NR5A2: variants seen among roughly 807,000 people sequenced by gnomAD.
The protein encoded by NR5A2 is nuclear receptor subfamily 5 group A member 2.
Under a neutral mutation model 62.7 loss-of-function variants are expected in NR5A2, and 26 were observed. The ratio of observed to expected loss-of-function variants is 0.41; its 90% CI spans 0.30 to 0.58. NR5A2 has a LOEUF of 0.58. Ranked by LOEUF, NR5A2 falls within the 20% of genes least tolerant of loss-of-function variation. The pLI is 0.22. For missense variants in NR5A2, 541 were observed against 669.1 expected (o/e 0.81, Z 2.11); for synonymous variants, 246 against 241.7 (o/e 1.02, Z -0.16).
In NR5A2 at chr1:200,175,085, A is replaced by C. The variant is rs1215384332; in HGVS notation, c.*875A>C. 6.6e-6 allele frequency: 1 copy of C among 152,634 alleles called. No homozygotes were observed. Among genetic ancestry groups the C allele is most frequent in the East Asian group, 1.9e-4 (1 of 5,200 alleles). 9.5% of individuals were successfully genotyped at this position (152,634 alleles called of 1,614,324 possible). On this transcript the variant is annotated 3_prime_UTR_variant, in exon 8 of 8. Transcript: ENST00000367362. ...TTTGGCATTGTTGGATTTCATAAAA[A>C]ATTTCTGGCAGGAAGTCTTGTTAGT...
intron 7 of NR5A2, among the ~76,000 whole-genome samples, chr1:200,121,563 T>G (rs527916162): frequency 6.6e-6 from 1 of 152,272 alleles, no homozygotes; most frequent in East Asian, 1.9e-4. Context: ...AGGTTCTCAG[T>G]GAGTCAGTTG....
At chr1:200,096,254 A>AT (rs1665093505) in intron 5 of NR5A2, among the ~76,000 whole-genome samples, 1 of 151,858 alleles carries the variant, frequency 6.6e-6, no homozygotes, top group South Asian at 2.1e-4. Context: ...TGCCTGACTA[A>AT]TTTTTGTATT....
In NR5A2 at chr1:200,147,844, A is replaced by G. The variant is rs1030367137; in HGVS notation, c.1379-26119A>G. ...GTCCTGGCTGCAGCCATTGGTGAGC[A>G]GTATGGCCACCTGCTTGTAGGCGCA... On this transcript the variant is annotated intron_variant, in intron 7 of 7. Transcript: ENST00000367362. The surrounding 1 kb of genome is among the most constrained non-coding windows in gnomAD (Gnocchi z 4.9). The G allele has an allele frequency of 3.5e-5, 16 of 458,772 alleles. No homozygotes were observed. The Admixed American group carries it at 4.8e-4, about 14-fold the overall frequency. 28.4% of individuals were successfully genotyped at this position (458,772 alleles called of 1,614,324 possible). A position where few individuals can be genotyped will look rare whatever the true frequency, so the allele number is the denominator to read the frequency against.
At chr1:200,089,455 C>A (rs1222077199) in intron 5 of NR5A2, among the ~76,000 whole-genome samples, 1 of 151,458 alleles carries the variant, frequency 6.6e-6, no homozygotes. Context: ...CCACACCTGG[C>A]CTGCAACTTT....
intron 7 of NR5A2, among the ~76,000 whole-genome samples, chr1:200,140,594 A>G (rs1000086009): frequency 6.6e-6 from 1 of 152,148 alleles, no homozygotes; most frequent in African/African-American, 2.4e-5. Flanking sequence ...TCTTTAATCT[A>G]GCCTACAATC....
chr1:200,099,489 T>C (rs574348587), intron 5 of NR5A2, among the ~76,000 whole-genome samples: 2 of 152,182 alleles, frequency 1.3e-5, no homozygotes, highest in Admixed American at 6.5e-5. Flanking sequence ...AGGACCTTCA[T>C]TGTGCATCTA....
intron 7 of NR5A2, among the ~76,000 whole-genome samples, chr1:200,170,098 TG>T (rs1333045603): frequency 2.6e-5 from 4 of 152,212 alleles, no homozygotes; most frequent in East Asian, 1.9e-4. Context: ...GTCTAGATTT[TG>T]GTTTTTTTAA....
chr1:200,116,273 C>T (rs554881400), intron 6 of NR5A2, among the ~76,000 whole-genome samples: 6 of 152,220 alleles, frequency 3.9e-5, no homozygotes, highest in South Asian at 2.1e-4. Context: ...CCAGGTGTTC[C>T]GTAGCCCAAT....
chr1:200,060,020 A>G (rs1571731106), intron 5 of NR5A2, among the ~76,000 whole-genome samples: 1 of 151,922 alleles, frequency 6.6e-6, no homozygotes, highest in South Asian at 2.1e-4. Flanking sequence ...TCCCCTCTAC[A>G]CCTGTGTCCT....
At chr1:200,051,415 A>G (rs916993378) in intron 5 of NR5A2, among the ~76,000 whole-genome samples, 1 of 152,220 alleles carries the variant, frequency 6.6e-6, no homozygotes, top group African/African-American at 2.4e-5. Context: ...ATATAGCATG[A>G]GGTTAAATAT....
At chr1:200,034,681 C>T (rs970470275) in intron 1 of NR5A2, among the ~76,000 whole-genome samples, 2 of 151,706 alleles carry the variant, frequency 1.3e-5, no homozygotes, top group African/African-American at 4.9e-5. Flanking sequence ...CCGCGCCACG[C>T]CAGATCGAGA....
chr1:200,031,340 C>A (rs933827386), intron 1 of NR5A2, among the ~76,000 whole-genome samples: 1 of 151,630 alleles, frequency 6.6e-6, no homozygotes, highest in Non-Finnish European at 1.5e-5. Flanking sequence ...CCAGTCTCTA[C>A]AAAAAATAAA....
chr1:200,063,674 G>T (rs1663334215), intron 5 of NR5A2, among the ~76,000 whole-genome samples: 1 of 152,070 alleles, frequency 6.6e-6, no homozygotes, highest in Non-Finnish European at 1.5e-5. Flanking sequence ...CATTTTACTG[G>T]GGTGTAGTAT....
rs2690032 is a variant in NR5A2, at chr1:200,176,765, A to C, written c.*2555A>C. The C allele has an allele frequency of 6.6e-6, 1 of 151,992 alleles. No homozygotes were observed. Among genetic ancestry groups the C allele is most frequent in the East Asian group, 1.9e-4 (1 of 5,186 alleles). The allele number at this position is 151,992 out of a possible 1,614,324, so 9.4% of individuals were successfully genotyped here. On this transcript the variant is annotated 3_prime_UTR_variant, in exon 8 of 8. Transcript: ENST00000367362. ...CATTCCTCCTGCCTCAGCCTCCCCC[A>C]TAGCTGGGACTAGGGGTGCATGCCA...
At position 200,039,332 on chromosome 1, in the gene NR5A2, T is replaced by C. The variant is rs1484316263; in HGVS notation, c.65-326T>C. Among the ~76,000 whole-genome samples the C allele has an allele frequency of 1.3e-5, 2 of 151,890 alleles. No individual in the cohort carries two copies. The highest frequency in any genetic ancestry group is 1.3e-4 in the Admixed American group (2 of 15,274). On this transcript the variant is annotated intron_variant, in intron 1 of 7. Coordinates refer to ENST00000367362, the MANE Select transcript of NR5A2 (RefSeq NM_205860.3). The surrounding 1 kb of genome is among the most constrained non-coding windows in gnomAD (Gnocchi z 5.1). ...CGGCAATAGCAGCCCCGCGGTCGCC[T>C]CCGCTGCCCGCCGGGAGCTCGGCGG...
intron 5 of NR5A2, among the ~76,000 whole-genome samples, chr1:200,085,313 T>C (rs1664471304): frequency 6.6e-6 from 1 of 152,220 alleles, no homozygotes; most frequent in African/African-American, 2.4e-5. Flanking sequence ...CTTCCTTTAT[T>C]GATGCTTAAA....
rs190699142 is a variant in NR5A2 at position 200,044,909 on chromosome 1, G to A, written c.322-534G>A. ...TTCCCATACTTGAATGTATTCCAGT[G>A]GAATTATGAGCATTTTCCCATTTTA... is the stretch of plus-strand genomic sequence containing the variant. On this transcript the variant is annotated intron_variant, in intron 3 of 7. Transcript: ENST00000367362. Among the ~76,000 whole-genome samples, 4 of 151,676 alleles carry A rather than the reference G, an allele frequency of 2.6e-5. No individual in the cohort carries two copies. The East Asian group carries it at 7.7e-4, about 29-fold the overall frequency.
At chr1:200,142,996 T>G (rs894544677) in intron 7 of NR5A2, among the ~76,000 whole-genome samples, 1 of 152,162 alleles carries the variant, frequency 6.6e-6, no homozygotes, top group Non-Finnish European at 1.5e-5. Context: ...ACTTTTTCCT[T>G]AGCAATATAT....
chr1:200,045,139 A>T (rs3790842), intron 3 of NR5A2, among the ~76,000 whole-genome samples: 157 of 146,034 alleles, frequency 1.1e-3, no homozygotes, highest in Admixed American at 1.9e-3. Context: ...AAAATAGATT[A>T]AAAAAAAATT....
Sources: gnomAD v4.1 joint callset for allele counts (sites outside exome capture counted in the v4.1 genomes callset) on GRCh38, gnomAD v4.1.1 for gene constraint, Gnocchi (gnomAD v3.1) non-coding constraint, MANE v1.5 for transcripts, NCBI Gene and HGNC (gene_info 2026-07-23, HGNC 2026-07-21) for gene names.